The following UBR4 variants were observed in gnomAD, a reference collection of about 807,000 sequenced individuals.
UBR4 encodes ubiquitin protein ligase E3 component n-recognin 4, also known as E3 ubiquitin-protein ligase UBR4.
In UBR4, 124 loss-of-function variants were observed where a neutral mutation model predicts 575.6. The observed-to-expected ratio is 0.22, with a 90% CI of 0.19 to 0.25. The LOEUF is 0.25. Among genes scored for constraint, UBR4 ranks in the 10% least tolerant of loss-of-function variants. UBR4 has a pLI of 1.00. For synonymous variants in UBR4, 2,455 were observed against 2,473.7 expected, an observed-to-expected ratio of 0.99 and a Z score of 0.22; for missense variants, 4,818 against 6,478.8, an observed-to-expected ratio of 0.74 and a Z score of 8.80.
In UBR4 at chr1:19,139,341, T is replaced by C. The variant is rs1407306703; in HGVS notation, c.8594-121A>G. On this transcript the variant is annotated intron_variant, in intron 58 of 105. Transcript: ENST00000375254. This position sits in a 1 kb window ranked among gnomAD's most constrained non-coding sequence, Gnocchi z 4.2. ...AAACCACATAGTGCATAGGACACAATGCAGTTTATATATCCTGTCGTCAAA... is the reference window on the plus strand; with the variant it reads ...AAACCACATAGTGCATAGGACACAACGCAGTTTATATATCCTGTCGTCAAA... The C allele has an allele frequency of 3.1e-6, 4 of 1,289,364 alleles. No homozygotes were observed. The highest frequency in any genetic ancestry group is 3.0e-5 in the African/African-American group (2 of 66,886). 79.9% of individuals were successfully genotyped at this position (1,289,364 alleles called of 1,614,324 possible). A position where few individuals can be genotyped will look rare whatever the true frequency, so the allele number is the denominator to read the frequency against.
intron 92 of UBR4, 29 bp downstream of exon 92, chr1:19,096,494 G>GC (rs772866032): frequency 1.2e-6 from 2 of 1,605,820 alleles, no homozygotes; most frequent in South Asian, 1.1e-5. Context: ...AGAAAGGCTG[G>GC]CCCCCACAAC....
chr1:19,206,225 T>C (rs1321965431), intron 1 of UBR4, among the ~76,000 whole-genome samples: 1 of 152,202 alleles, frequency 6.6e-6, no homozygotes, highest in Non-Finnish European at 1.5e-5. Context: ...CTACTGTAAC[T>C]ACTCAGGAGG....
At position 19,093,840 on chromosome 1, in the gene UBR4, G is replaced by T; in HGVS notation, c.13937+109C>A. On this transcript the variant is annotated intron_variant, in intron 95 of 105. Coordinates refer to ENST00000375254, the MANE Select transcript of UBR4 (RefSeq NM_020765.3). This position sits in a 1 kb window ranked among gnomAD's most constrained non-coding sequence, Gnocchi z 4.8. ...CTGAGCTCCTTAAAAGCCAGAACGA[G>T]GACACAAAAATCTAATAGGTATTCA... 1 of 1,283,526 alleles carries T rather than the reference G, an allele frequency of 7.8e-7. No homozygotes were observed. Among genetic ancestry groups the T allele is most frequent in the Non-Finnish European group, 1.1e-6 (1 of 939,196 alleles). The allele number at this position is 1,283,526 out of a possible 1,614,324, so 79.5% of individuals were successfully genotyped here.
Position 19,117,426 on chromosome 1 carries a change from A to C in UBR4, c.10630-12T>G. The C allele has an allele frequency of 6.2e-7, 1 of 1,613,024 alleles. No individual in the cohort carries two copies. Reference sequence around the variant, plus strand: ...GACAGCTTGATATACTAAATACAAGAGTTCACAAAACATGGTATTAGTTCA... The same window carrying C: ...GACAGCTTGATATACTAAATACAAGCGTTCACAAAACATGGTATTAGTTCA... On this transcript the variant is annotated splice_polypyrimidine_tract_variant and intron_variant, in intron 72 of 105. Coordinates refer to ENST00000375254, the MANE Select transcript of UBR4 (RefSeq NM_020765.3). This position sits in a 1 kb window ranked among gnomAD's most constrained non-coding sequence, Gnocchi z 4.0.
At position 19,093,833 on chromosome 1, in the gene UBR4, A is replaced by G; in HGVS notation, c.13937+116T>C. The G allele has an allele frequency of 8.1e-7, 1 of 1,237,532 alleles. No homozygotes were observed. The highest frequency in any genetic ancestry group is 2.5e-5 in the East Asian group (1 of 39,588). The allele number at this position is 1,237,532 out of a possible 1,614,324, so 76.7% of individuals were successfully genotyped here. ...AACTAGACTGAGCTCCTTAAAAGCC[A>G]GAACGAGGACACAAAAATCTAATAG... On this transcript the variant is annotated intron_variant, in intron 95 of 105. Transcript: ENST00000375254. This position sits in a 1 kb window ranked among gnomAD's most constrained non-coding sequence, Gnocchi z 4.8.
chr1:19,170,886 G>A lies in UBR4; in HGVS notation c.3522-3C>T, dbSNP rs2150866657. On this transcript the variant is annotated splice_polypyrimidine_tract_variant and splice_region_variant and intron_variant, in intron 25 of 105. Transcript: ENST00000375254. The stretch of plus-strand genomic sequence containing the variant: ...TAAAGTTTTGCAGCAAATAGGCTCT[G>A]GGGAAAAAACAGGGGGAAAGTGAAG... 1.2e-6 allele frequency: 2 copies of A among 1,614,034 alleles called. No homozygotes were observed. Among genetic ancestry groups the A allele is most frequent in the Non-Finnish European group, 1.7e-6 (2 of 1,180,002 alleles).
chr1:19,118,811 C>T, intron 71 of UBR4, 61 bp downstream of exon 71: 1 of 1,555,520 alleles, frequency 6.4e-7, no homozygotes, highest in Non-Finnish European at 8.9e-7. Flanking sequence ...TATCACCATG[C>T]AAATAACTCC....
At chr1:19,082,633 T>C (rs1333268839) in intron 102 of UBR4, among the ~76,000 whole-genome samples, 1 of 151,850 alleles carries the variant, frequency 6.6e-6, no homozygotes, top group Non-Finnish European at 1.5e-5. Context: ...AACACAACAC[T>C]AGAACCGGGA....
At chr1:19,198,232 A>G (rs2092571825) in intron 5 of UBR4, among the ~76,000 whole-genome samples, 183 bp from the exon 6 acceptor site, 1 of 152,246 alleles carries the variant, frequency 6.6e-6, no homozygotes, top group African/African-American at 2.4e-5. Context: ...ATACAGCTTT[A>G]AAATATATAT....
intron 93 of UBR4, 21 bp downstream of exon 93, chr1:19,095,524 C>A: frequency 6.2e-7 from 1 of 1,610,758 alleles, no homozygotes; most frequent in Non-Finnish European, 8.5e-7. Context: ...CTCTTCTTCA[C>A]CTGCAGTCCA....
chr1:19,162,529 T>C lies in UBR4; in HGVS notation c.4847A>G (p.Gln1616Arg), dbSNP rs1245777479. The change falls in exon 35 of 106, where the codon CAA becomes CGA. Residue 1616 changes from glutamine (Q) to arginine (R), a missense_variant. Physicochemically the swap from Gln to Arg is conservative, Grantham distance 43. Coordinates refer to ENST00000375254, the MANE Select transcript of UBR4 (RefSeq NM_020765.3). ...VTNALSQSNGQGPSHLSVDGE... is the reference protein window; with the variant it reads ...VTNALSQSNGRGPSHLSVDGE... ...ATCCACTGAGAGATGACTTGGGCCT[T>C]GACCATTACTCTGGCTCAGGGCATT... 1 of 1,614,068 alleles carries C rather than the reference T, an allele frequency of 6.2e-7. No homozygotes were observed. Among genetic ancestry groups the C allele is most frequent in the African/African-American group, 1.3e-5 (1 of 74,926 alleles).
chr1:19,126,696 G>A (rs1351454094), intron 63 of UBR4, 41 bp from the exon 64 acceptor site: 1 of 1,598,956 alleles, frequency 6.3e-7, no homozygotes, highest in Non-Finnish European at 8.6e-7. Context: ...AGAATGGCTT[G>A]TAAAAACAAT....
At position 19,153,510 on chromosome 1, in the gene UBR4, G is replaced by A. The variant is rs765312583; in HGVS notation, c.6631-8C>T. The A allele has an allele frequency of 1.2e-6, 2 of 1,613,680 alleles. No individual in the cohort carries two copies. The highest frequency in any genetic ancestry group is 2.7e-5 in the African/African-American group (2 of 75,022). On this transcript the variant is annotated splice_region_variant and splice_polypyrimidine_tract_variant and intron_variant, in intron 45 of 105. Transcript: ENST00000375254. This position sits in a 1 kb window ranked among gnomAD's most constrained non-coding sequence, Gnocchi z 4.1. ...AGCAACCATGTCTTGGATCTAGGAGGAGAGGACAAAGGAGGGTCTTCGTTC... is the reference window on the plus strand; with the variant it reads ...AGCAACCATGTCTTGGATCTAGGAGAAGAGGACAAAGGAGGGTCTTCGTTC...
At chr1:19,135,527 T>C (rs2083105112) in intron 60 of UBR4, among the ~76,000 whole-genome samples, 1 of 152,210 alleles carries the variant, frequency 6.6e-6, no homozygotes, top group Non-Finnish European at 1.5e-5. Context: ...ATGATGTAGT[T>C]CTTCACTTAT....
intron 78 of UBR4, chr1:19,111,529 A>T (rs1214544513): frequency 1.3e-5 from 2 of 152,098 alleles, no homozygotes; most frequent in Non-Finnish European, 2.9e-5. Context: ...CATTGCCATG[A>T]CCTCATGATC....
intron 18 of UBR4, among the ~76,000 whole-genome samples, chr1:19,178,429 A>G (rs956992797): frequency 2.6e-5 from 4 of 152,194 alleles, no homozygotes; most frequent in African/African-American, 9.6e-5. Flanking sequence ...CGACCCTCTC[A>G]GCCTTTTTGC....
At position 19,110,417 on chromosome 1, in the gene UBR4, G is replaced by A; in HGVS notation, c.11940C>T (p.Ser3980=). Residue 3980 remains serine (S), a synonymous_variant, in exon 80 of 106, where the codon TCC becomes TCT. Transcript: ENST00000375254. The surrounding 1 kb of genome is among the most constrained non-coding windows in gnomAD (Gnocchi z 4.5). ...GGAGCTCCCAGCAGCTGTCCTCCTT[G>A]GAGATAGAATCCGTCAGCAGCAGCA... The part of the protein sequence containing the change: ...YEMLLLTDSI[S]KEDSCWELRL... 6.2e-7 allele frequency: 1 copy of A among 1,614,156 alleles called. No individual in the cohort carries two copies. Among genetic ancestry groups the A allele is most frequent in the Non-Finnish European group, 8.5e-7 (1 of 1,180,028 alleles).
chr1:19,163,184 G>C (rs1322171987), intron 34 of UBR4, among the ~76,000 whole-genome samples: 3 of 152,144 alleles, frequency 2.0e-5, no homozygotes, highest in Non-Finnish European at 4.4e-5. Context: ...AGTGCTGAAA[G>C]GATAAAGATC....
chr1:19,154,849 T>G, intron 44 of UBR4, 69 bp downstream of exon 44: 1 of 1,588,200 alleles, frequency 6.3e-7, no homozygotes, highest in Non-Finnish European at 8.6e-7. Flanking sequence ...AGATAGCAGA[T>G]AGTGGGAGTG....
Sources: gnomAD v4.1 joint callset for allele counts (sites outside exome capture counted in the v4.1 genomes callset) on GRCh38, gnomAD v4.1.1 for gene constraint, Gnocchi (gnomAD v3.1) non-coding constraint, MANE v1.5 for transcripts, NCBI Gene and HGNC (gene_info 2026-07-23, HGNC 2026-07-21) for gene names.